Variants in ZNF2 observed in about 807,000 individuals in gnomAD.
The protein encoded by ZNF2 is zinc finger protein 2, also known as zinc finger protein 2.2.
In ZNF2, 12 loss-of-function variants were observed where a neutral mutation model predicts 21.9. That is an observed-to-expected ratio of 0.55 (90% confidence interval 0.35 to 0.89). The LOEUF (loss-of-function observed/expected upper bound fraction) is 0.89. ZNF2 is among the 40% of genes least tolerant of loss of function. The pLI is 0.01. For synonymous variants in ZNF2, 186 were observed against 196.3 expected, an observed-to-expected ratio of 0.95 and a Z score of 0.44; for missense variants, 462 against 544.2, an observed-to-expected ratio of 0.85 and a Z score of 1.50.
chr2:95,177,619 G>T lies in ZNF2; in HGVS notation c.160+10G>T, dbSNP rs779390084. On this transcript the variant is annotated intron_variant, in intron 3 of 4. Transcript: ENST00000614034. ...AGCATTGTGTCATTGGGTAAGGGGA[G>T]CCTCCATGAGGAGGTACAGTCTGTA... 1 of 1,612,916 alleles carries T rather than the reference G, an allele frequency of 6.2e-7. No individual in the cohort carries two copies. The highest frequency in any genetic ancestry group is 8.5e-7 in the Non-Finnish European group (1 of 1,179,412).
chr2:95,171,803 T>A (rs1674281316), intron 1 of ZNF2, among the ~76,000 whole-genome samples: 1 of 152,234 alleles, frequency 6.6e-6, no homozygotes, highest in Non-Finnish European at 1.5e-5. Flanking sequence ...CCTCCATTCT[T>A]TCCTTCCTGT....
chr2:95,170,626 G>A (rs1158165337), intron 1 of ZNF2, among the ~76,000 whole-genome samples: 2 of 152,214 alleles, frequency 1.3e-5, no homozygotes, highest in Non-Finnish European at 2.9e-5. Flanking sequence ...AAACAGACCA[G>A]TAAATATCTA....
intron 1 of ZNF2, among the ~76,000 whole-genome samples, chr2:95,167,505 C>CAAAA (rs756206050): frequency 2.6e-3 from 111 of 43,020 alleles, no homozygotes; most frequent in Non-Finnish European, 3.4e-3. Context: ...GACTCAGTCT[C>CAAAA]AAAAAAAAAA....
intron 1 of ZNF2, among the ~76,000 whole-genome samples, chr2:95,170,151 T>G (rs754296558): frequency 6.6e-6 from 1 of 152,198 alleles, no homozygotes; most frequent in Non-Finnish European, 1.5e-5. Context: ...CCTCTTGTGA[T>G]GGACGAATCT....
chr2:95,166,241 C>A (rs368764606), intron 1 of ZNF2, among the ~76,000 whole-genome samples: 52 of 151,950 alleles, frequency 3.4e-4, no homozygotes, highest in East Asian at 2.3e-3. Flanking sequence ...CCTCATTTAG[C>A]TCCCTGCCCT....
chr2:95,167,181 C>G (rs1674090190), intron 1 of ZNF2, among the ~76,000 whole-genome samples: 1 of 152,182 alleles, frequency 6.6e-6, no homozygotes, highest in Non-Finnish European at 1.5e-5. Flanking sequence ...TAAGCAGAAG[C>G]TTGTCCGAAC....
chr2:95,169,939 C>T (rs1487746927), intron 1 of ZNF2, among the ~76,000 whole-genome samples: 5 of 152,132 alleles, frequency 3.3e-5, no homozygotes, highest in Admixed American at 2.0e-4. Flanking sequence ...GATATTACTT[C>T]CGTTATTCCA....
chr2:95,182,291 G>T lies in ZNF2; in HGVS notation c.*185G>T. On this transcript the variant is annotated 3_prime_UTR_variant, in exon 5 of 5. Transcript: ENST00000614034. ...GTTATAGAACTGTAGGGGAGGCCAT[G>T]GAAATGACTCTAAAGATACAAAATT... 1.4e-6 allele frequency: 1 copy of T among 713,788 alleles called. No individual in the cohort carries two copies. 44.2% of individuals were successfully genotyped at this position (713,788 alleles called of 1,614,324 possible). A position where few individuals can be genotyped will look rare whatever the true frequency, so the allele number is the denominator to read the frequency against.
chr2:95,171,998 C>T (rs903268700), intron 1 of ZNF2, among the ~76,000 whole-genome samples: 3 of 152,154 alleles, frequency 2.0e-5, no homozygotes, highest in South Asian at 4.1e-4. Context: ...AAAGACAAGC[C>T]GGGTAGAGGA....
At chr2:95,167,424 T>C (rs1325893461) in intron 1 of ZNF2, among the ~76,000 whole-genome samples, 1 of 144,302 alleles carries the variant, frequency 6.9e-6, no homozygotes, top group African/African-American at 2.6e-5. Flanking sequence ...GAGAATGGCA[T>C]GAACCCGGCA....
Position 95,176,206 on chromosome 2 carries a change from A to G in ZNF2, c.-21A>G, listed in dbSNP as rs747090885. On this transcript the variant is annotated 5_prime_UTR_variant, in exon 2 of 5. Coordinates refer to ENST00000614034, the MANE Select transcript of ZNF2 (RefSeq NM_021088.4). ...TCATTAGGACTCTGCCCTTGTCCAC[A>G]AGGAGAGCACACAGGAGAGAATGGC... 1.2e-6 allele frequency: 2 copies of G among 1,614,020 alleles called. No individual in the cohort carries two copies. The highest frequency in any genetic ancestry group is 1.7e-5 in the Admixed American group (1 of 59,996).
intron 1 of ZNF2, among the ~76,000 whole-genome samples, chr2:95,169,029 A>G (rs1351322609): frequency 1.3e-5 from 2 of 152,210 alleles, no homozygotes; most frequent in Admixed American, 6.5e-5. Context: ...TCTGAGATGC[A>G]GGGATAGGAA....
chr2:95,181,850 A>C lies in ZNF2; in HGVS notation c.1022A>C (p.Tyr341Ser), dbSNP rs376377039. Residue 341 changes from tyrosine (Y) to serine (S), a missense_variant, in exon 5 of 5, where the codon TAT becomes TCT. Physicochemically the swap from Tyr to Ser is moderately radical, Grantham distance 144. Transcript: ENST00000614034. The part of the protein sequence containing the change: ...HQKAHAGDPR[Y>S]QCNECGKAFF... ...AAAGCTCATGCTGGGGACCCTCGCT[A>C]TCAGTGTAACGAGTGTGGCAAAGCT... 6.2e-7 allele frequency: 1 copy of C among 1,614,076 alleles called. No homozygotes were observed. Among genetic ancestry groups the C allele is most frequent in the Admixed American group, 1.7e-5 (1 of 60,004 alleles).
At chr2:95,180,921 A>C in intron 4 of ZNF2, 182 bp from the exon 5 acceptor site, 1 of 688,298 alleles carries the variant, frequency 1.5e-6, no homozygotes, top group South Asian at 2.0e-5. Context: ...TCCACCATCC[A>C]TTCTGTTCCC....
chr2:95,166,680 G>A (rs1361132790), intron 1 of ZNF2, among the ~76,000 whole-genome samples: 1 of 152,184 alleles, frequency 6.6e-6, no homozygotes, highest in African/African-American at 2.4e-5. Context: ...GGATACAGAT[G>A]ACACTGCAAA....
rs1192673429 is a variant in ZNF2, at chr2:95,183,641, GAC to G, written c.*1537_*1538del. ...TTTTTTTTTTTTTTTTTTTTTGTGA[GAC>G]AGAGTCTCACTCTGTCACCCAGGTT... On this transcript the variant is annotated 3_prime_UTR_variant, in exon 5 of 5. Coordinates refer to ENST00000614034, the MANE Select transcript of ZNF2 (RefSeq NM_021088.4). 7 of 109,396 alleles carry G rather than the reference GAC, an allele frequency of 6.4e-5. No individual in the cohort carries two copies. The East Asian group carries it at 1.9e-3, about 30-fold the overall frequency. 6.8% of individuals were successfully genotyped at this position (109,396 alleles called of 1,614,324 possible).
intron 1 of ZNF2, among the ~76,000 whole-genome samples, chr2:95,175,811 A>G (rs1020075305): frequency 6.6e-6 from 1 of 152,162 alleles, no homozygotes; most frequent in Non-Finnish European, 1.5e-5. Flanking sequence ...ATTGTCTTTG[A>G]TATGTCTTGT....
chr2:95,182,180 C>T lies in ZNF2; in HGVS notation c.*74C>T, dbSNP rs1261324765. ...TAGATCTCGCCTGTCTTAAAGCTGC[C>T]ATTTGCTCATTCTACCCACTCTGGC... On this transcript the variant is annotated 3_prime_UTR_variant, in exon 5 of 5. Transcript: ENST00000614034. 1.4e-5 allele frequency: 21 copies of T among 1,515,362 alleles called. No individual in the cohort carries two copies. Among genetic ancestry groups the T allele is most frequent in the Non-Finnish European group, 1.9e-5 (21 of 1,133,210 alleles). 93.9% of individuals were successfully genotyped at this position (1,515,362 alleles called of 1,614,324 possible).
intron 3 of ZNF2, among the ~76,000 whole-genome samples, chr2:95,178,969 C>G (rs377460615): frequency 6.6e-6 from 1 of 150,386 alleles, no homozygotes; most frequent in African/African-American, 2.4e-5. Context: ...AGCGTCATTT[C>G]ATTATCCAGG....
Sources: allele counts gnomAD v4.1 joint callset (sites outside exome capture counted in the v4.1 genomes callset), GRCh38; gene constraint gnomAD v4.1.1; transcripts MANE v1.5; gene names NCBI Gene and HGNC (gene_info 2026-07-23, HGNC 2026-07-21).